Variants in ABCC9 observed in about 807,000 individuals in gnomAD.
The protein encoded by ABCC9 is ATP-binding cassette sub-family C member 9.
Under a neutral mutation model 188.3 loss-of-function variants are expected in ABCC9, and 95 were observed. That is an observed-to-expected ratio of 0.50 (90% confidence interval 0.43 to 0.60). ABCC9 has a LOEUF of 0.60. ABCC9 is among the 20% of genes least tolerant of loss of function. ABCC9 has a pLI of 0.00. For synonymous variants in ABCC9, 659 were observed against 652.7 expected (o/e 1.01, Z -0.15); for missense variants, 1,102 against 1,876.3 (o/e 0.59, Z 7.62).
At chr12:21,827,582 A>G (rs1943462835) in intron 31 of ABCC9, among the ~76,000 whole-genome samples, 1 of 151,488 alleles carries the variant, frequency 6.6e-6, no homozygotes, top group Non-Finnish European at 1.5e-5. Flanking sequence ...TCACATATCA[A>G]AACAAGGAAT....
intron 33 of ABCC9, 53 bp downstream of exon 33, chr12:21,817,134 A>G (rs1591967993): frequency 6.3e-7 from 1 of 1,579,314 alleles, no homozygotes; most frequent in Non-Finnish European, 8.7e-7. Flanking sequence ...ACAAACACTA[A>G]TATTTGTTTA....
At chr12:21,833,647 CAG>C (rs976250771) in intron 30 of ABCC9, among the ~76,000 whole-genome samples, 10 of 152,116 alleles carry the variant, frequency 6.6e-5, no homozygotes, top group African/African-American at 1.7e-4. Flanking sequence ...AAGGAGAAAA[CAG>C]AGGCTGTTAT....
At position 21,800,858 on chromosome 12, in the gene ABCC9, T is replaced by C. The variant is rs1941392491; in HGVS notation, c.*186A>G. On this transcript the variant is annotated 3_prime_UTR_variant, in exon 40 of 40. Transcript: ENST00000261200. ...GGCTGGATCACTATAAAAACATCAA[T>C]AATGAACATATTAAGCAATAATATC... The C allele has an allele frequency of 1.5e-6, 1 of 654,916 alleles. No homozygotes were observed. The highest frequency in any genetic ancestry group is 2.8e-5 in the Admixed American group (1 of 35,854). 40.6% of individuals were successfully genotyped at this position (654,916 alleles called of 1,614,324 possible).
rs1298459981 is a variant in ABCC9, at chr12:21,822,631, C to CAAA, written c.3670-4381_3670-4380insTTT. ...TGGCTAACACAGTGAAACCCCATCT[C>CAAA]TACACAAAAATTAGCTGGGTGTGAT... On this transcript the variant is annotated intron_variant, in intron 31 of 39. Coordinates refer to ENST00000261200, the MANE Select transcript of ABCC9 (RefSeq NM_020297.4). Among the ~76,000 whole-genome samples, 14 of 122,006 alleles carry CAAA rather than the reference C, an allele frequency of 1.1e-4. No individual in the cohort carries two copies. In the East Asian group the frequency reaches 2.0e-3, roughly 17 times the overall value. The allele number at this position is 122,006 out of a possible 152,430, so 80.0% of individuals were successfully genotyped here. A position where few individuals can be genotyped will look rare whatever the true frequency, so the allele number is the denominator to read the frequency against.
At position 21,798,587 on chromosome 12, in the gene ABCC9, C is replaced by T. The variant is rs1282375980; in HGVS notation, c.*2457G>A. Reference sequence around the variant, plus strand: ...AGCCCTTTGTCAGATGAGTAGGTTGCGAAAATTTTCTCCCATGTTGTAGGT... The same window carrying T: ...AGCCCTTTGTCAGATGAGTAGGTTGTGAAAATTTTCTCCCATGTTGTAGGT... On this transcript the variant is annotated 3_prime_UTR_variant, in exon 40 of 40. Transcript: ENST00000261200. 6.0e-5 allele frequency: 9 copies of T among 150,664 alleles called. No homozygotes were observed. The highest frequency in any genetic ancestry group is 2.1e-4 in the South Asian group (1 of 4,756). The allele number at this position is 150,664 out of a possible 1,614,324, so 9.3% of individuals were successfully genotyped here.
intron 39 of ABCC9, among the ~76,000 whole-genome samples, chr12:21,803,245 C>T (rs1214319745): frequency 6.6e-6 from 1 of 151,984 alleles, no homozygotes; most frequent in Non-Finnish European, 1.5e-5. Context: ...AAAATATTAG[C>T]TGTTCAATAG....
intron 31 of ABCC9, 51 bp downstream of exon 31, chr12:21,828,907 C>T: frequency 2.1e-6 from 3 of 1,420,166 alleles, no homozygotes; most frequent in Non-Finnish European, 3.0e-6. Context: ...CTCTTTGCAG[C>T]AGGCGTCTTC....
intron 13 of ABCC9, 25 bp downstream of exon 13, chr12:21,895,250 C>A (rs377221797): frequency 2.9e-5 from 47 of 1,603,558 alleles, no homozygotes; most frequent in Non-Finnish European, 4.0e-5. Flanking sequence ...GGTTTCATTT[C>A]TAAAAGAGAG....
chr12:21,869,268 G>C (rs1437991641), intron 18 of ABCC9, among the ~76,000 whole-genome samples: 3 of 152,054 alleles, frequency 2.0e-5, no homozygotes, highest in Admixed American at 6.5e-5. Context: ...CTTTCATCCT[G>C]CTGGCTGACT....
At chr12:21,921,770 A>G (rs1350740633) in intron 5 of ABCC9, among the ~76,000 whole-genome samples, 1 of 152,048 alleles carries the variant, frequency 6.6e-6, no homozygotes, top group Non-Finnish European at 1.5e-5. Context: ...ACAAGGGTCT[A>G]GTTTTGTTCT....
At chr12:21,895,108 G>T (rs1947337488) in intron 13 of ABCC9, among the ~76,000 whole-genome samples, 167 bp downstream of exon 13, 1 of 152,152 alleles carries the variant, frequency 6.6e-6, no homozygotes, top group Non-Finnish European at 1.5e-5. Flanking sequence ...AATGTCCATA[G>T]TGTCTTTACT....
At position 21,801,185 on chromosome 12, in the gene ABCC9, T is replaced by C. The variant is rs1941409290; in HGVS notation, c.4513-4A>G. ...TCAGAATAGTGTGTACTCGATGCTG[T>C]GAGTGAAAAGAAAACATGTATTTGT... is the stretch of plus-strand genomic sequence containing the variant. On this transcript the variant is annotated splice_polypyrimidine_tract_variant and splice_region_variant and intron_variant, in intron 39 of 39. Coordinates refer to ENST00000261200, the MANE Select transcript of ABCC9 (RefSeq NM_020297.4). The C allele has an allele frequency of 1.9e-6, 3 of 1,613,650 alleles. No individual in the cohort carries two copies. The South Asian group carries it at 3.3e-5, about 18-fold the overall frequency.
In ABCC9 at chr12:21,928,348, AAG is replaced by A. The variant is rs758079259; in HGVS notation, c.285-2287_285-2286del. On this transcript the variant is annotated intron_variant, in intron 4 of 39. Transcript: ENST00000261200. ...GGAAGGAAGGAAGGAAGGGAAGAAA[AAG>A]AGAAAGAAAGAAAGAAAAAGAAAAA... is the stretch of plus-strand genomic sequence containing the variant. 4.4e-3 allele frequency among the ~76,000 whole-genome samples: 581 copies of A among 130,782 alleles called. 2 individuals are homozygous for A. The highest frequency in any genetic ancestry group is 7.0e-3 in the Non-Finnish European group (433 of 61,466). 85.8% of individuals were successfully genotyped at this position (130,782 alleles called of 152,430 possible).
chr12:21,830,603 G>T (rs1943698805), intron 30 of ABCC9, among the ~76,000 whole-genome samples: 1 of 152,196 alleles, frequency 6.6e-6, no homozygotes, highest in African/African-American at 2.4e-5. Flanking sequence ...TTGGCCCACT[G>T]AAGTAATCCA....
In ABCC9 at chr12:21,867,681, A is replaced by C. The variant is rs144334129; in HGVS notation, c.2199-3204T>G. Among the ~76,000 whole-genome samples, 375 of 152,288 alleles carry C rather than the reference A, an allele frequency of 2.5e-3. 1 individual carries two copies. Among genetic ancestry groups the C allele is most frequent in the Non-Finnish European group, 4.0e-3 (273 of 68,028 alleles). ...CCTTCATGCCAGGAAAGTCACATGA[A>C]AAGGAATATTTCCTCCATTTGTCTG... is the stretch of plus-strand genomic sequence containing the variant. On this transcript the variant is annotated intron_variant, in intron 18 of 39. Coordinates refer to ENST00000261200, the MANE Select transcript of ABCC9 (RefSeq NM_020297.4).
At position 21,912,862 on chromosome 12, in the gene ABCC9, A is replaced by G. The variant is rs1295090754; in HGVS notation, c.1011+10T>C. On this transcript the variant is annotated intron_variant, in intron 8 of 39. Coordinates refer to ENST00000261200, the MANE Select transcript of ABCC9 (RefSeq NM_020297.4). ...TAATATGTTTCCATTGAAAATCACC[A>G]GGAACTTACTCCAGTTGTGTTATTT... 2.5e-6 allele frequency: 4 copies of G among 1,612,354 alleles called. No homozygotes were observed. Among genetic ancestry groups the G allele is most frequent in the Non-Finnish European group, 3.4e-6 (4 of 1,178,574 alleles).
intron 3 of ABCC9, among the ~76,000 whole-genome samples, chr12:21,934,710 G>A (rs1411717336): frequency 6.6e-6 from 1 of 151,904 alleles, no homozygotes; most frequent in Admixed American, 6.6e-5. Flanking sequence ...CTTTTGTCTT[G>A]TTTTGTTCTT....
chr12:21,930,556 T>C (rs1026203547), intron 4 of ABCC9, among the ~76,000 whole-genome samples: 1 of 152,162 alleles, frequency 6.6e-6, no homozygotes, highest in African/African-American at 2.4e-5. Context: ...GCGTAGATAA[T>C]GTCACAGAAT....
intron 9 of ABCC9, 115 bp from the exon 10 acceptor site, chr12:21,910,427 A>T (rs1471921396): frequency 7.7e-6 from 8 of 1,035,282 alleles, no homozygotes; most frequent in Middle Eastern, 2.4e-4. Flanking sequence ...AAAGAAAAGA[A>T]AAATTCTATA....
Sources: allele counts gnomAD v4.1 joint callset (sites outside exome capture counted in the v4.1 genomes callset), GRCh38; gene constraint gnomAD v4.1.1; transcripts MANE v1.5; gene names NCBI Gene and HGNC (gene_info 2026-07-23, HGNC 2026-07-21).